BMAL1: variants seen among roughly 807,000 people sequenced by gnomAD.
BMAL1 encodes the protein basic helix-loop-helix ARNT like 1.
the BMAL1 span, among the ~76,000 whole-genome samples, chr11:13,302,177 T>G: frequency 6.6e-6 from 1 of 151,662 alleles, no homozygotes; most frequent in South Asian, 2.1e-4. Flanking sequence ...TAAGGAGAAG[T>G]TTGTCAGTGA....
the BMAL1 span, among the ~76,000 whole-genome samples, chr11:13,301,677 T>C: frequency 6.6e-6 from 1 of 152,290 alleles, no homozygotes; most frequent in Non-Finnish European, 1.5e-5. Context: ...TGGAAGGACA[T>C]GGGGCAATGT....
the BMAL1 span, among the ~76,000 whole-genome samples, chr11:13,367,706 G>GAAAAAA: frequency 9.3e-5 from 8 of 86,170 alleles, 1 homozygote; most frequent in African/African-American, 3.9e-4. Flanking sequence ...CTCTGTCTCA[G>GAAAAAA]AAAAAAAAAA....
At chr11:13,335,757 A>G in the BMAL1 span, among the ~76,000 whole-genome samples, 37 of 152,360 alleles carry the variant, frequency 2.4e-4, no homozygotes, top group African/African-American at 7.2e-4. Context: ...AATAGGTGCA[A>G]GCATTTCATA....
the BMAL1 span, among the ~76,000 whole-genome samples, chr11:13,316,357 A>G: frequency 1.3e-5 from 2 of 152,036 alleles, no homozygotes; most frequent in Non-Finnish European, 2.9e-5. Flanking sequence ...TTCATGCATG[A>G]TGTTTTTATT....
chr11:13,374,391 C>T, the BMAL1 span, among the ~76,000 whole-genome samples: 1 of 152,140 alleles, frequency 6.6e-6, no homozygotes, highest in East Asian at 1.9e-4. Context: ...CTTGTAGTTG[C>T]CCTGTGCTGA....
chr11:13,281,538 A>G, the BMAL1 span, among the ~76,000 whole-genome samples: 94,542 of 151,948 alleles, frequency 0.62, 30,284 homozygotes, highest in Non-Finnish European at 0.71. Context: ...TATTTTTTTA[A>G]ACATGGTCTC....
the BMAL1 span, among the ~76,000 whole-genome samples, chr11:13,337,356 A>G: frequency 6.6e-6 from 1 of 152,192 alleles, no homozygotes; most frequent in Non-Finnish European, 1.5e-5. Flanking sequence ...TCACCAATGT[A>G]TATCAATGTA....
the BMAL1 span, among the ~76,000 whole-genome samples, chr11:13,351,955 C>T: frequency 6.6e-6 from 1 of 152,106 alleles, no homozygotes; most frequent in Admixed American, 6.5e-5. Flanking sequence ...GTTTATTTTT[C>T]CCAAGATGGG....
chr11:13,358,915 G>A, the BMAL1 span, among the ~76,000 whole-genome samples: 2 of 152,306 alleles, frequency 1.3e-5, no homozygotes, highest in African/African-American at 4.8e-5. Context: ...CTATGTTTGT[G>A]CCTGGATCCC....
chr11:13,281,907 C>T, the BMAL1 span, among the ~76,000 whole-genome samples: 1 of 152,206 alleles, frequency 6.6e-6, no homozygotes, highest in South Asian at 2.1e-4. Flanking sequence ...TTCCTGCACC[C>T]CTGTAAAGAT....
At chr11:13,378,038 T>A in the BMAL1 span, among the ~76,000 whole-genome samples, 1 of 152,242 alleles carries the variant, frequency 6.6e-6, no homozygotes, top group Non-Finnish European at 1.5e-5. Flanking sequence ...GGCAGGGACT[T>A]GTCTCTGTAA....
chr11:13,362,290 C>G, the BMAL1 span, among the ~76,000 whole-genome samples: 1 of 152,196 alleles, frequency 6.6e-6, no homozygotes, highest in East Asian at 1.9e-4. Flanking sequence ...CCTCCTCCCC[C>G]TTCTCTCCTG....
the BMAL1 span, among the ~76,000 whole-genome samples, chr11:13,294,904 G>A: frequency 8.5e-5 from 13 of 152,124 alleles, no homozygotes; most frequent in Non-Finnish European, 1.3e-4. Context: ...GCTTCTTCCC[G>A]CAGTGTTCTT....
chr11:13,286,556 A>G, the BMAL1 span, among the ~76,000 whole-genome samples: 28 of 152,198 alleles, frequency 1.8e-4, no homozygotes, highest in Non-Finnish European at 1.8e-4. Flanking sequence ...TTCGTTGTTC[A>G]AACCTGCCCT....
the BMAL1 span, among the ~76,000 whole-genome samples, chr11:13,347,740 C>T: frequency 6.6e-6 from 1 of 152,058 alleles, no homozygotes; most frequent in Non-Finnish European, 1.5e-5. Flanking sequence ...GTCCCAGCTA[C>T]ATGACAAACT....
chr11:13,354,508 A>G, the BMAL1 span: 1,562 of 1,581,206 alleles, frequency 9.9e-4, 10 homozygotes, highest in African/African-American at 0.019. Flanking sequence ...TCGGGCATGG[A>G]ACATCTAGCA....
At chr11:13,338,198 T>A in the BMAL1 span, among the ~76,000 whole-genome samples, 103,511 of 151,846 alleles carry the variant, frequency 0.68, 36,336 homozygotes, top group African/African-American at 0.82. Flanking sequence ...GTTTTTTTTT[T>A]AAATTCTTCT....
the BMAL1 span, among the ~76,000 whole-genome samples, chr11:13,301,409 A>G: frequency 6.6e-6 from 1 of 152,310 alleles, no homozygotes; most frequent in South Asian, 2.1e-4. Context: ...ATGACCAGGG[A>G]GTGGGAAGGA....
At chr11:13,298,147 G>C in the BMAL1 span, among the ~76,000 whole-genome samples, 1 of 152,218 alleles carries the variant, frequency 6.6e-6, no homozygotes, top group Non-Finnish European at 1.5e-5. Flanking sequence ...GTGCATGTAA[G>C]TGGCACTCAC....
Sources: allele counts gnomAD v4.1 joint callset (sites outside exome capture counted in the v4.1 genomes callset), GRCh38; gene constraint gnomAD v4.1.1; transcripts MANE v1.5; gene names NCBI Gene and HGNC (gene_info 2026-07-23, HGNC 2026-07-21).